ESRRG: variants seen among roughly 807,000 people sequenced by gnomAD.
The protein encoded by ESRRG is estrogen-related receptor gamma.
A neutral mutation model predicts 44.0 loss-of-function variants in ESRRG; 13 were observed. That is an observed-to-expected ratio of 0.30 (90% confidence interval 0.19 to 0.47). The LOEUF is 0.47. Among genes scored for constraint, ESRRG ranks in the 20% least tolerant of loss-of-function variants. ESRRG has a pLI of 1.00. For missense variants in ESRRG, 395 were observed against 580.6 expected (o/e 0.68, Z 3.29); for synonymous variants, 215 against 214.6 (o/e 1.00, Z -0.02).
chr1:216,922,842 A>G (rs1200597755), intron 2 of ESRRG, among the ~76,000 whole-genome samples: 1 of 152,174 alleles, frequency 6.6e-6, no homozygotes, highest in Non-Finnish European at 1.5e-5. Flanking sequence ...TTGTGGCAGC[A>G]AGAGCCATAC....
chr1:217,077,619 A>G (rs1187601678), intron 1 of ESRRG, among the ~76,000 whole-genome samples: 1 of 152,220 alleles, frequency 6.6e-6, no homozygotes, highest in Non-Finnish European at 1.5e-5. Flanking sequence ...ACAGATATAT[A>G]CAAGACAGTA....
intron 2 of ESRRG, among the ~76,000 whole-genome samples, chr1:216,858,573 T>C (rs1032378574): frequency 2.0e-5 from 3 of 152,338 alleles, no homozygotes; most frequent in African/African-American, 7.2e-5. Context: ...CTAACATATT[T>C]ACTCAGCAAG....
intron 1 of ESRRG, among the ~76,000 whole-genome samples, chr1:216,947,614 G>A (rs2066253109): frequency 2.0e-5 from 3 of 152,158 alleles, no homozygotes; most frequent in Admixed American, 2.0e-4. Context: ...TACAAATCAG[G>A]TGAGGTGGTT....
chr1:216,876,857 C>T (rs1471872324), intron 2 of ESRRG, among the ~76,000 whole-genome samples: 4 of 152,058 alleles, frequency 2.6e-5, no homozygotes, highest in African/African-American at 9.7e-5. Flanking sequence ...TACTTTACAC[C>T]TTTTAATAGA....
At position 217,134,461 on chromosome 1, in the gene ESRRG, C is replaced by T. The variant is rs138843995; in HGVS notation, c.-230+3206G>A. Among the ~76,000 whole-genome samples, 134 of 152,318 alleles carry T rather than the reference C, an allele frequency of 8.8e-4. 1 individual carries two copies. The highest frequency in any genetic ancestry group is 3.1e-3 in the African/African-American group (129 of 41,578). ...GCCAGAGAAGCGAAGCCAGCGGTCT[C>T]CACTTACTTGTTCTTAATTCCTCCC... On this transcript the variant is annotated intron_variant, in intron 1 of 8. Coordinates refer to the ESRRG transcript ENST00000366940.
At chr1:216,758,158 T>C (rs1290294640) in intron 2 of ESRRG, among the ~76,000 whole-genome samples, 1 of 152,042 alleles carries the variant, frequency 6.6e-6, no homozygotes, top group African/African-American at 2.4e-5. Flanking sequence ...AGATTCCCAT[T>C]CACTTCCATT....
chr1:216,901,273 C>T (rs983305153), intron 2 of ESRRG, among the ~76,000 whole-genome samples: 1 of 151,960 alleles, frequency 6.6e-6, no homozygotes, highest in African/African-American at 2.4e-5. Context: ...AGAATTAATT[C>T]CCCCTTCTCA....
intron 1 of ESRRG, among the ~76,000 whole-genome samples, chr1:216,977,704 T>C (rs1347742643): frequency 6.6e-6 from 1 of 152,184 alleles, no homozygotes; most frequent in Non-Finnish European, 1.5e-5. Context: ...CTAAGAATAA[T>C]TAACCAGCTG....
intron 1 of ESRRG, among the ~76,000 whole-genome samples, chr1:217,070,317 T>C (rs1490421366): frequency 1.3e-5 from 2 of 152,176 alleles, no homozygotes; most frequent in Non-Finnish European, 2.9e-5. Flanking sequence ...AGTATTCTAA[T>C]ATAGATTAAT....
chr1:216,573,113 T>A (rs2061106545), intron 3 of ESRRG, among the ~76,000 whole-genome samples: 1 of 152,000 alleles, frequency 6.6e-6, no homozygotes, highest in Non-Finnish European at 1.5e-5. Flanking sequence ...AAATGAAGGA[T>A]AACTAATAAT....
chr1:216,904,789 G>T (rs936963527), intron 2 of ESRRG, among the ~76,000 whole-genome samples: 1 of 152,208 alleles, frequency 6.6e-6, no homozygotes, highest in African/African-American at 2.4e-5. Flanking sequence ...TTGCTTGGAA[G>T]TCTACGACAA....
At chr1:217,079,222 C>A (rs2091556035) in intron 1 of ESRRG, among the ~76,000 whole-genome samples, 1 of 152,202 alleles carries the variant, frequency 6.6e-6, no homozygotes, top group Non-Finnish European at 1.5e-5. Context: ...TTAACCACTT[C>A]ATTAACTGTG....
chr1:217,007,717 TC>T (rs2077952924), intron 1 of ESRRG, among the ~76,000 whole-genome samples: 1 of 152,208 alleles, frequency 6.6e-6, no homozygotes, highest in African/African-American at 2.4e-5. Context: ...CTGACTTCCT[TC>T]CTCCTTCCAT....
intron 1 of ESRRG, among the ~76,000 whole-genome samples, chr1:216,953,512 A>G (rs754155235): frequency 6.6e-6 from 1 of 152,030 alleles, no homozygotes; most frequent in African/African-American, 2.4e-5. Flanking sequence ...GCTCATGCCA[A>G]TGACCATATT....
chr1:216,959,959 T>G (rs908528207), intron 1 of ESRRG, among the ~76,000 whole-genome samples: 1 of 152,154 alleles, frequency 6.6e-6, no homozygotes, highest in Non-Finnish European at 1.5e-5. Context: ...ACTTTACAGA[T>G]AAGAACATTG....
chr1:216,512,647 G>T (rs952070763), intron 6 of ESRRG, among the ~76,000 whole-genome samples: 2 of 152,144 alleles, frequency 1.3e-5, no homozygotes, highest in African/African-American at 4.8e-5. Context: ...CAGGGGTTAC[G>T]TTACAAGTTT....
chr1:216,834,709 T>G (rs2095537015), intron 2 of ESRRG, among the ~76,000 whole-genome samples: 1 of 152,202 alleles, frequency 6.6e-6, no homozygotes, highest in African/African-American at 2.4e-5. Context: ...CATGCATAGA[T>G]ATGAGCTTTG....
chr1:217,053,530 A>T (rs769162647), intron 1 of ESRRG, among the ~76,000 whole-genome samples: 1 of 151,258 alleles, frequency 6.6e-6, no homozygotes, highest in Non-Finnish European at 1.5e-5. Context: ...GCAAAAACAA[A>T]ATCTCAAAAT....
intron 3 of ESRRG, among the ~76,000 whole-genome samples, chr1:216,614,478 CA>C (rs1283257106): frequency 1.3e-5 from 2 of 152,116 alleles, no homozygotes; most frequent in African/African-American, 2.4e-5. Context: ...GTGAGTACTC[CA>C]GCGACCCTTT....
Sources: allele counts gnomAD v4.1 joint callset (sites outside exome capture counted in the v4.1 genomes callset), GRCh38; gene constraint gnomAD v4.1.1; transcripts MANE v1.5; gene names NCBI Gene and HGNC (gene_info 2026-07-23, HGNC 2026-07-21).